Variants in LAMA2 observed in about 807,000 individuals in gnomAD.
LAMA2 encodes the protein laminin subunit alpha-2.
In LAMA2, 269 loss-of-function variants were observed where a neutral mutation model predicts 364.8. The observed-to-expected ratio is 0.74, with a 90% confidence interval of 0.67 to 0.82. The LOEUF is 0.82. LAMA2 is among the 40% of genes least tolerant of loss of function. The pLI is 0.00. For missense variants in LAMA2, 3,807 were observed against 3,873.2 expected, an observed-to-expected ratio of 0.98 and a Z score of 0.45; for synonymous variants, 1,379 against 1,370.6, an observed-to-expected ratio of 1.01 and a Z score of -0.14.
chr6:129,036,444 A>T (rs1242412332), intron 1 of LAMA2, among the ~76,000 whole-genome samples: 1 of 152,198 alleles, frequency 6.6e-6, no homozygotes, highest in African/African-American at 2.4e-5. Flanking sequence ...TATCTACTAT[A>T]TAGAGAAAAC....
At chr6:129,481,540 C>A in intron 55 of LAMA2, 101 bp downstream of exon 55, 1 of 1,003,942 alleles carries the variant, frequency 1.0e-6, no homozygotes, top group Non-Finnish European at 1.6e-6. Context: ...TTTCTGCTCT[C>A]ATCTTGGCTA....
At chr6:129,109,545 T>C (rs1317518127) in intron 4 of LAMA2, among the ~76,000 whole-genome samples, 1 of 152,050 alleles carries the variant, frequency 6.6e-6, no homozygotes, top group African/African-American at 2.4e-5. Context: ...CTAAAACCAA[T>C]AAAATTATAT....
At chr6:128,943,269 C>CACAGAGAGAGAGAGAGAGAGAGAG (rs1365657711) in intron 1 of LAMA2, among the ~76,000 whole-genome samples, 3 of 143,190 alleles carry the variant, frequency 2.1e-5, no homozygotes, top group African/African-American at 5.2e-5. Flanking sequence ...TATATATACA[C>CACAGAGAGAGAGAGAGAGAGAGAG]AGAGAGAGAG....
chr6:128,976,598 A>C (rs1040330629), intron 1 of LAMA2, among the ~76,000 whole-genome samples: 8 of 152,202 alleles, frequency 5.3e-5, no homozygotes, highest in African/African-American at 1.9e-4. Flanking sequence ...GAATCATGAC[A>C]ATAAGAAATT....
chr6:129,493,619 G>A (rs1168726748), intron 58 of LAMA2, among the ~76,000 whole-genome samples: 1 of 152,136 alleles, frequency 6.6e-6, no homozygotes, highest in Non-Finnish European at 1.5e-5. Flanking sequence ...AATGGCATAA[G>A]TACTATGTAG....
chr6:129,224,051 G>A (rs1172154992), intron 12 of LAMA2, among the ~76,000 whole-genome samples: 1 of 152,076 alleles, frequency 6.6e-6, no homozygotes, highest in Non-Finnish European at 1.5e-5. Flanking sequence ...TCCTTGAAGA[G>A]GTCCTTCACA....
intron 4 of LAMA2, among the ~76,000 whole-genome samples, chr6:129,104,669 C>A (rs1156941093): frequency 6.6e-6 from 1 of 152,110 alleles, no homozygotes; most frequent in Non-Finnish European, 1.5e-5. Context: ...TCCTTATGGC[C>A]TCTTTAATCT....
At chr6:129,072,723 C>A (rs1773397981) in intron 3 of LAMA2, among the ~76,000 whole-genome samples, 1 of 151,894 alleles carries the variant, frequency 6.6e-6, no homozygotes. Flanking sequence ...TCTGTGAAGT[C>A]TTTTATTACT....
In LAMA2 at chr6:129,505,303, T is replaced by C. The variant is rs772282706; in HGVS notation, c.8651T>C (p.Met2884Thr). The C allele has an allele frequency of 4.3e-6, 7 of 1,614,020 alleles. No individual in the cohort carries two copies. In the South Asian group the frequency reaches 5.5e-5, roughly 13 times the overall value. The change falls in exon 61 of 65, where the codon ATG becomes ACG. Residue 2884 changes from methionine (M) to threonine (T), a missense_variant. By Grantham distance (81) the Met-to-Thr change is moderately conservative. Around this residue, in one of 3 missense-constraint regions of LAMA2, gnomAD observed 3,333 missense variants for 3,345.7 expected, o/e 1.00. Coordinates refer to ENST00000421865, the MANE Select transcript of LAMA2 (RefSeq NM_000426.4). ...KKADILDVVG[M>T]LYVGGLPINY... is the part of the protein sequence containing the mutation. ...GCCGACATCCTGGATGTCGTGGGAA[T>C]GCTGTATGTTGGTGGGTTACCCATC...
intron 12 of LAMA2, among the ~76,000 whole-genome samples, chr6:129,243,606 A>G (rs1298583868): frequency 6.6e-6 from 1 of 152,064 alleles, no homozygotes; most frequent in Non-Finnish European, 1.5e-5. Flanking sequence ...CTGTTCCAGA[A>G]CTATGTCCTT....
At chr6:128,884,616 A>G (rs1436663895) in intron 1 of LAMA2, among the ~76,000 whole-genome samples, 1 of 152,188 alleles carries the variant, frequency 6.6e-6, no homozygotes, top group Non-Finnish European at 1.5e-5. Context: ...CCTTGCATTC[A>G]CTATATAACT....
chr6:129,267,305 C>T lies in LAMA2; in HGVS notation c.2322+86C>T, dbSNP rs573611441. On this transcript the variant is annotated intron_variant, in intron 16 of 64. Transcript: ENST00000421865. ...TACAATTCAGCTACTACCCTGGGGA[C>T]CTTAAACACTTGAGTCAAGAAGTGC... 7.8e-6 allele frequency: 7 copies of T among 901,654 alleles called. No individual in the cohort carries two copies. In the African/African-American group the frequency reaches 1.1e-4, roughly 15 times the overall value. The allele number at this position is 901,654 out of a possible 1,614,324, so 55.9% of individuals were successfully genotyped here.
chr6:129,030,146 T>C (rs1465949591), intron 1 of LAMA2, among the ~76,000 whole-genome samples: 1 of 152,272 alleles, frequency 6.6e-6, no homozygotes, highest in East Asian at 1.9e-4. Flanking sequence ...GCTCACCCTC[T>C]GGGCGTGGCC....
At chr6:129,464,852 G>A (rs1783458373) in intron 50 of LAMA2, among the ~76,000 whole-genome samples, 1 of 151,774 alleles carries the variant, frequency 6.6e-6, no homozygotes, top group South Asian at 2.1e-4. Context: ...AATTCTTTCT[G>A]GGAACATACC....
chr6:129,222,953 C>A (rs190049695), intron 12 of LAMA2, among the ~76,000 whole-genome samples: 1 of 152,144 alleles, frequency 6.6e-6, no homozygotes, highest in Admixed American at 6.5e-5. Context: ...GTTTACAATC[C>A]CACCAACAGT....
At chr6:129,487,400 C>T (rs1484337118) in intron 56 of LAMA2, among the ~76,000 whole-genome samples, 1 of 151,976 alleles carries the variant, frequency 6.6e-6, no homozygotes, top group Non-Finnish European at 1.5e-5. Flanking sequence ...TTTAGAAGGA[C>T]AATTAGAGAA....
rs116712462 is a variant in LAMA2, at chr6:129,309,223, G to A, written c.3175-3638G>A. 8.0e-3 allele frequency among the ~76,000 whole-genome samples: 1,223 copies of A among 152,266 alleles called. 25 individuals are homozygous for A. The highest frequency in any genetic ancestry group is 0.029 in the African/African-American group (1,191 of 41,548). On this transcript the variant is annotated intron_variant, in intron 22 of 64. Coordinates refer to ENST00000421865, the MANE Select transcript of LAMA2 (RefSeq NM_000426.4). ...TTGGGCTGTTATTGAAGTAGAATAC[G>A]AAGCCTGCCTTCTTTCACTAGCAGG...
At chr6:128,967,439 A>G (rs1289184020) in intron 1 of LAMA2, among the ~76,000 whole-genome samples, 1 of 152,170 alleles carries the variant, frequency 6.6e-6, no homozygotes, top group Non-Finnish European at 1.5e-5. Context: ...GATTGGCCTC[A>G]TGAGCTTTGC....
intron 37 of LAMA2, among the ~76,000 whole-genome samples, chr6:129,400,538 G>A (rs1779910425): frequency 6.6e-6 from 1 of 152,102 alleles, no homozygotes; most frequent in South Asian, 2.1e-4. Flanking sequence ...TCAGGAATAG[G>A]AATGAATCAG....
Sources: gnomAD v4.1 joint callset for allele counts (sites outside exome capture counted in the v4.1 genomes callset) on GRCh38, gnomAD v4.1.1 for gene constraint, gnomAD v4.1.1 regional missense constraint, MANE v1.5 for transcripts, NCBI Gene and HGNC (gene_info 2026-07-23, HGNC 2026-07-21) for gene names.